Variants in F13A1 observed in about 807,000 individuals in gnomAD.
F13A1 encodes the protein FSF, A subunit.
A neutral mutation model predicts 80.1 loss-of-function variants in F13A1; 47 were observed. The ratio of observed to expected loss-of-function variants is 0.59; its 90% CI spans 0.46 to 0.75. The LOEUF (loss-of-function observed/expected upper bound fraction) is 0.75, where lower values mean the gene tolerates loss of function less well. F13A1 is among the 30% of genes least tolerant of loss of function. The pLI is 0.00. For synonymous variants in F13A1, 349 were observed against 344.9 expected (o/e 1.01, Z -0.13); for missense variants, 817 against 930.4 (o/e 0.88, Z 1.59).
intron 4 of F13A1, among the ~76,000 whole-genome samples, chr6:6,258,648 C>T (rs74999455): frequency 6.1e-4 from 93 of 152,164 alleles, no homozygotes; most frequent in African/African-American, 2.2e-3. Flanking sequence ...GATTACAGGG[C>T]CACACTAAAT....
chr6:6,176,285 A>G (rs1469306874), intron 11 of F13A1, among the ~76,000 whole-genome samples: 2 of 152,216 alleles, frequency 1.3e-5, no homozygotes, highest in Non-Finnish European at 2.9e-5. Flanking sequence ...TCAATGAATC[A>G]TCAGAACCCT....
chr6:6,244,571 T>C (rs1434141030), intron 6 of F13A1, among the ~76,000 whole-genome samples: 1 of 152,224 alleles, frequency 6.6e-6, no homozygotes, highest in Non-Finnish European at 1.5e-5. Flanking sequence ...TAACTTTTCC[T>C]ACTTTTACAT....
chr6:6,231,743 A>G (rs1561662653), intron 6 of F13A1, among the ~76,000 whole-genome samples: 1 of 152,212 alleles, frequency 6.6e-6, no homozygotes, highest in Non-Finnish European at 1.5e-5. Context: ...CAGAAACCCT[A>G]CAATCTAGAA....
chr6:6,268,748 G>C (rs1757879309), intron 3 of F13A1, among the ~76,000 whole-genome samples: 1 of 150,756 alleles, frequency 6.6e-6, no homozygotes, highest in Admixed American at 6.6e-5. Flanking sequence ...GAGTGCAGTG[G>C]CATAGTCTCA....
intron 8 of F13A1, among the ~76,000 whole-genome samples, chr6:6,210,596 G>A (rs1761590429): frequency 6.6e-6 from 1 of 151,514 alleles, no homozygotes; most frequent in Non-Finnish European, 1.5e-5. Context: ...GATTTTTACT[G>A]TGTTAGCCAG....
At chr6:6,148,907 G>A (rs1760328184) in intron 14 of F13A1, among the ~76,000 whole-genome samples, 1 of 151,784 alleles carries the variant, frequency 6.6e-6, no homozygotes, top group Admixed American at 6.6e-5. Context: ...ACATGAATTA[G>A]ACTTGGAGGA....
At chr6:6,296,138 G>C (rs1325703240) in intron 3 of F13A1, among the ~76,000 whole-genome samples, 2,945 of 151,294 alleles carry the variant, frequency 0.019, 69 homozygotes, top group African/African-American at 0.055. Context: ...ATGCTGTTTT[G>C]GTTACTGTAG....
intron 13 of F13A1, among the ~76,000 whole-genome samples, chr6:6,165,231 A>G (rs916444641): frequency 4.7e-4 from 72 of 152,132 alleles, no homozygotes; most frequent in African/African-American, 1.6e-3. Context: ...AACACAAAAC[A>G]ATATAACTCT....
chr6:6,160,575 G>A lies in F13A1; in HGVS notation c.1908+6883C>T, dbSNP rs181837891. Among the ~76,000 whole-genome samples, 18 of 152,146 alleles carry A rather than the reference G, an allele frequency of 1.2e-4. No individual in the cohort carries two copies. The East Asian group carries it at 3.5e-3, about 30-fold the overall frequency. On this transcript the variant is annotated intron_variant, in intron 13 of 14. Transcript: ENST00000264870. ...TCATCCCAAACTCCTGACCTCAAGTGATCCAGCCACCTTGGCCTTCCAAAG... is the reference window on the plus strand; with the variant it reads ...TCATCCCAAACTCCTGACCTCAAGTAATCCAGCCACCTTGGCCTTCCAAAG...
chr6:6,175,971 A>G (rs1188394935), intron 11 of F13A1, among the ~76,000 whole-genome samples: 1 of 152,264 alleles, frequency 6.6e-6, no homozygotes, highest in Non-Finnish European at 1.5e-5. Flanking sequence ...AGGTGGGAGA[A>G]CGGTCCTTAC....
chr6:6,254,034 T>C (rs1253096017), intron 4 of F13A1, among the ~76,000 whole-genome samples: 2 of 152,092 alleles, frequency 1.3e-5, no homozygotes, highest in African/African-American at 2.4e-5. Context: ...TCAATAAATA[T>C]ATGAAAAAAT....
rs537378458 is a variant in F13A1 at position 6,260,854 on chromosome 6, C to G, written c.571+5704G>C. 2.0e-5 allele frequency among the ~76,000 whole-genome samples: 3 copies of G among 152,130 alleles called. No individual in the cohort carries two copies. The East Asian group carries it at 5.8e-4, about 29-fold the overall frequency. ...GAAAAGTTCAGAGAATAAAGGAGAA[C>G]AGTAGGAGAGAGAGAAGGGGTGGTA... On this transcript the variant is annotated intron_variant, in intron 4 of 14. Coordinates refer to ENST00000264870, the MANE Select transcript of F13A1 (RefSeq NM_000129.4).
chr6:6,249,221 T>C (rs1009763762), intron 5 of F13A1, among the ~76,000 whole-genome samples: 2 of 152,238 alleles, frequency 1.3e-5, no homozygotes, highest in African/African-American at 4.8e-5. Context: ...ACCACAATCA[T>C]AATGGCTAAT....
At position 6,151,967 on chromosome 6, in the gene F13A1, G is replaced by C. The variant is rs1760387215; in HGVS notation, c.1909-18C>G. The C allele has an allele frequency of 1.2e-6, 2 of 1,613,618 alleles. No homozygotes were observed. The highest frequency in any genetic ancestry group is 1.7e-6 in the Non-Finnish European group (2 of 1,179,816). ...CCACGGACCTAAGAGAGAGAATGCA[G>C]GTCATTAGCACCAAATAAAACCTCG... On this transcript the variant is annotated intron_variant, in intron 13 of 14. Transcript: ENST00000264870.
At chr6:6,189,872 A>G (rs1761153571) in intron 10 of F13A1, among the ~76,000 whole-genome samples, 1 of 152,102 alleles carries the variant, frequency 6.6e-6, no homozygotes, top group African/African-American at 2.4e-5. Context: ...AGTGAGACGT[A>G]GATTTGGTCT....
chr6:6,278,600 T>C (rs935751805), intron 3 of F13A1, among the ~76,000 whole-genome samples: 1 of 151,792 alleles, frequency 6.6e-6, no homozygotes, highest in Non-Finnish European at 1.5e-5. Context: ...CAGAGGGAAC[T>C]GTGGGAGATA....
At chr6:6,276,795 T>G (rs72817049) in intron 3 of F13A1, among the ~76,000 whole-genome samples, 6,130 of 152,298 alleles carry the variant, frequency 0.04, 167 homozygotes, top group Admixed American at 0.08. Context: ...CTGAACAAAT[T>G]ATTATTCTCC....
rs3024446 is a variant in F13A1, at chr6:6,174,348, G to A, written c.1747+232C>T. Among the ~76,000 whole-genome samples, 1,166 of 151,898 alleles carry A rather than the reference G, an allele frequency of 7.7e-3. 5 individuals carry two copies. Among genetic ancestry groups the A allele is most frequent in the South Asian group, 0.014 (69 of 4,804 alleles). ...AAGGTTGCAGTGAACCAAGATCATC[G>A]CATTGCACTCCAGCCTGGGTGTCAG... On this transcript the variant is annotated intron_variant, in intron 12 of 14. Transcript: ENST00000264870.
chr6:6,289,563 A>G (rs1270673269), intron 3 of F13A1, among the ~76,000 whole-genome samples: 1 of 152,166 alleles, frequency 6.6e-6, no homozygotes, highest in Non-Finnish European at 1.5e-5. Context: ...TTATCCTATC[A>G]TTTATTAGTG....
Sources: gnomAD v4.1 joint callset for allele counts (sites outside exome capture counted in the v4.1 genomes callset) on GRCh38, gnomAD v4.1.1 for gene constraint, MANE v1.5 for transcripts, NCBI Gene and HGNC (gene_info 2026-07-23, HGNC 2026-07-21) for gene names.